The following FAM120B variants were observed in gnomAD, a reference collection of about 807,000 sequenced individuals.
The protein encoded by FAM120B is family with sequence similarity 120 member B.
In FAM120B, 83 loss-of-function variants were observed where a neutral mutation model predicts 96.3. The observed-to-expected ratio is 0.86, with a 90% CI of 0.72 to 1.03. FAM120B has a LOEUF of 1.03. FAM120B is among the 50% of genes least tolerant of loss of function. The pLI is 0.00. For missense variants in FAM120B, 1,027 were observed against 1,121.2 expected (o/e 0.92, Z 1.20); for synonymous variants, 407 against 402.7 (o/e 1.01, Z -0.13).
chr6:170,383,532 G>A (rs1047703068), intron 6 of FAM120B, among the ~76,000 whole-genome samples: 1 of 152,172 alleles, frequency 6.6e-6, no homozygotes, highest in African/African-American at 2.4e-5. Context: ...TGGTAAATAA[G>A]TACATGAAAA....
chr6:170,332,423 T>A (rs1786115385), intron 4 of FAM120B, among the ~76,000 whole-genome samples: 1 of 152,052 alleles, frequency 6.6e-6, no homozygotes, highest in African/African-American at 2.4e-5. Flanking sequence ...CTGGGTGGGG[T>A]TGGGGGGCTC....
At position 170,317,559 on chromosome 6, in the gene FAM120B, T is replaced by G; in HGVS notation, c.169T>G (p.Ser57Ala). The G allele has an allele frequency of 6.2e-7, 1 of 1,614,220 alleles. No individual in the cohort carries two copies. Among genetic ancestry groups the G allele is most frequent in the South Asian group, 1.1e-5 (1 of 91,086 alleles). ...TCTCAGATATTGGTATACTCCAGAATCTTGGATCTGCGGTGGCCAGTGGCG... is the reference window on the plus strand; with the variant it reads ...TCTCAGATATTGGTATACTCCAGAAGCTTGGATCTGCGGTGGCCAGTGGCG... ...CCLRYWYTPE[S>A]WICGGQWREY... The change falls in exon 2 of 11, where the codon TCT (serine) becomes GCT (alanine). Residue 57 changes from serine (S) to alanine (A), a missense_variant. Ser to Ala is a moderately conservative substitution (Grantham distance 99). Transcript: ENST00000476287.
At chr6:170,335,453 A>G (rs530834864) in intron 4 of FAM120B, among the ~76,000 whole-genome samples, 1 of 152,276 alleles carries the variant, frequency 6.6e-6, no homozygotes, top group Non-Finnish European at 1.5e-5. Context: ...TATGCAGTCT[A>G]TCATTGATGG....
In FAM120B at chr6:170,330,466, C is replaced by G. The variant is rs112530284; in HGVS notation, c.1933C>G (p.Leu645Val). ...TTCTTCAGATGTCACCAGCACCTGC[C>G]TAGCTGTCAAGGAGTGGTTTGTGTA... ...EDCQDVTSTC[L>V]AVKEWFVYPG... The change falls in exon 4 of 11, where the codon CTA (leucine) becomes GTA (valine). Residue 645 changes from leucine to valine, a missense_variant. Physicochemically the swap from Leu to Val is conservative, Grantham distance 32. Coordinates refer to ENST00000476287, the MANE Select transcript of FAM120B (RefSeq NM_032448.3). The G allele has an allele frequency of 2.4e-4, 391 of 1,614,100 alleles. 1 individual carries two copies. In the African/African-American group the frequency reaches 4.5e-3, roughly 18 times the overall value.
At chr6:170,396,986 A>G (rs1778210552) in intron 9 of FAM120B, among the ~76,000 whole-genome samples, 1 of 152,180 alleles carries the variant, frequency 6.6e-6, no homozygotes, top group African/African-American at 2.4e-5. Context: ...CTTTCCAGTT[A>G]GCTTCTCCAC....
chr6:170,349,491 A>G (rs1451581453), intron 5 of FAM120B, among the ~76,000 whole-genome samples: 1 of 152,210 alleles, frequency 6.6e-6, no homozygotes, highest in African/African-American at 2.4e-5. Context: ...TGCCCATTCT[A>G]TAGCTTGCTC....
At position 170,318,813 on chromosome 6, in the gene FAM120B, A is replaced by G. The variant is rs777802859; in HGVS notation, c.1423A>G (p.Met475Val). 8.7e-6 allele frequency: 14 copies of G among 1,614,102 alleles called. No individual in the cohort carries two copies. In the East Asian group the frequency reaches 2.5e-4, roughly 28 times the overall value. The change falls in exon 2 of 11, where the codon ATG becomes GTG. Residue 475 changes from methionine (M) to valine (V), a missense_variant. Met to Val is a conservative substitution (Grantham distance 21). Around this residue, in one of 3 missense-constraint regions of FAM120B, gnomAD observed 880 missense variants for 980.9 expected, o/e 0.90. Transcript: ENST00000476287. Reference protein sequence around the residue: ...TGPESRQEVPMYTGPESRQEV... With the variant: ...TGPESRQEVPVYTGPESRQEV... ...CCCTGAATCCAGGCAAGAAGTTCCC[A>G]TGTATACAGGCCCTGAATCCAGGCA...
intron 4 of FAM120B, among the ~76,000 whole-genome samples, chr6:170,336,548 G>GT (rs1786435830): frequency 1.3e-5 from 2 of 152,180 alleles, no homozygotes; most frequent in Admixed American, 6.5e-5. Context: ...ATTTAAAGTA[G>GT]TTTTTTCTAA....
intron 1 of FAM120B, among the ~76,000 whole-genome samples, chr6:170,297,231 C>A (rs1784035588): frequency 6.6e-6 from 1 of 152,216 alleles, no homozygotes; most frequent in Admixed American, 6.5e-5. Context: ...AATGTCCCCA[C>A]GGGACCCCGC....
At chr6:170,348,107 G>GTGC in intron 4 of FAM120B, 44 bp from the exon 5 acceptor site, 1 of 1,516,086 alleles carries the variant, frequency 6.6e-7, no homozygotes, top group Non-Finnish European at 9.1e-7. Flanking sequence ...TTATAACTCT[G>GTGC]TGCTGCAAAG....
chr6:170,387,424 C>T (rs907404093), intron 6 of FAM120B, among the ~76,000 whole-genome samples: 5 of 152,134 alleles, frequency 3.3e-5, no homozygotes, highest in African/African-American at 7.2e-5. Flanking sequence ...CAGACAATGA[C>T]GGATTCAGTT....
At chr6:170,393,599 G>C (rs1790581377) in intron 8 of FAM120B, among the ~76,000 whole-genome samples, 2 of 152,222 alleles carry the variant, frequency 1.3e-5, no homozygotes, top group Non-Finnish European at 2.9e-5. Flanking sequence ...ATCATTTCGT[G>C]ATTTGGAAAC....
intron 9 of FAM120B, among the ~76,000 whole-genome samples, chr6:170,400,323 A>T (rs1321952152): frequency 1.4e-5 from 1 of 69,384 alleles, no homozygotes; most frequent in Non-Finnish European, 4.0e-5. Flanking sequence ...TGTCATTTAC[A>T]GATGTATCAT....
chr6:170,359,166 C>T (rs1010934337), intron 6 of FAM120B, among the ~76,000 whole-genome samples: 1 of 152,128 alleles, frequency 6.6e-6, no homozygotes, highest in Admixed American at 6.5e-5. Context: ...TTTGGGAAGC[C>T]GAGGCGGGTG....
intron 1 of FAM120B, among the ~76,000 whole-genome samples, chr6:170,310,069 G>A (rs1387435009): frequency 6.6e-6 from 1 of 152,184 alleles, no homozygotes; most frequent in African/African-American, 2.4e-5. Context: ...TCTAACTGCT[G>A]TCAGTTTTCC....
chr6:170,359,302 A>G (rs545444811), intron 6 of FAM120B, among the ~76,000 whole-genome samples: 33 of 152,142 alleles, frequency 2.2e-4, no homozygotes, highest in African/African-American at 7.7e-4. Context: ...CTGAGGCAAT[A>G]GAATCGCTTG....
chr6:170,312,644 T>C (rs1015285875), intron 1 of FAM120B, among the ~76,000 whole-genome samples: 1 of 152,200 alleles, frequency 6.6e-6, no homozygotes, highest in African/African-American at 2.4e-5. Flanking sequence ...CAGGGCACCC[T>C]GAGTCTAGAC....
intron 1 of FAM120B, among the ~76,000 whole-genome samples, chr6:170,296,521 G>A (rs1343997574): frequency 1.3e-5 from 2 of 151,788 alleles, no homozygotes; most frequent in African/African-American, 4.8e-5. Context: ...CTCGCGCCCG[G>A]CCGCCGCCTC....
intron 9 of FAM120B, among the ~76,000 whole-genome samples, chr6:170,400,961 G>C (rs1219436163): frequency 6.6e-6 from 1 of 152,212 alleles, no homozygotes; most frequent in Admixed American, 6.5e-5. Flanking sequence ...GACTACAGGA[G>C]CATCTTTAAA....
Sources: gnomAD v4.1 joint callset for allele counts (sites outside exome capture counted in the v4.1 genomes callset) on GRCh38, gnomAD v4.1.1 for gene constraint, gnomAD v4.1.1 regional missense constraint, MANE v1.5 for transcripts, NCBI Gene and HGNC (gene_info 2026-07-23, HGNC 2026-07-21) for gene names.